Variants in UNC5D observed in about 807,000 individuals in gnomAD.
UNC5D encodes netrin receptor UNC5D.
A neutral mutation model predicts 105.4 loss-of-function variants in UNC5D; 39 were observed. The observed-to-expected ratio is 0.37, with a 90% CI of 0.29 to 0.48. The LOEUF is 0.48. Ranked by LOEUF, UNC5D falls within the 20% of genes least tolerant of loss-of-function variation. The pLI is 0.98. For missense variants in UNC5D, 991 were observed against 1,202.4 expected, an observed-to-expected ratio of 0.82 and a Z score of 2.60; for synonymous variants, 452 against 450.4, an observed-to-expected ratio of 1.00 and a Z score of -0.04.
At chr8:35,548,344 A>G (rs965882553) in intron 1 of UNC5D, among the ~76,000 whole-genome samples, 1 of 152,140 alleles carries the variant, frequency 6.6e-6, no homozygotes, top group African/African-American at 2.4e-5. Context: ...TGCTATTGAA[A>G]TGTTTGCTTT....
chr8:35,600,728 A>C (rs1057197063), intron 4 of UNC5D, among the ~76,000 whole-genome samples: 1 of 152,104 alleles, frequency 6.6e-6, no homozygotes, highest in African/African-American at 2.4e-5. Flanking sequence ...GGTTGCAAAA[A>C]TTGTCTCCCA....
intron 10 of UNC5D, 64 bp downstream of exon 10, chr8:35,726,593 C>T: frequency 2.6e-6 from 4 of 1,565,084 alleles, no homozygotes; most frequent in South Asian, 2.4e-5. Flanking sequence ...TACACAGTTA[C>T]TTCCCATCAG....
At chr8:35,702,601 T>C (rs1827284841) in intron 7 of UNC5D, among the ~76,000 whole-genome samples, 1 of 152,100 alleles carries the variant, frequency 6.6e-6, no homozygotes, top group South Asian at 2.1e-4. Context: ...TGTGAGAAAA[T>C]GATTATGCAA....
At chr8:35,735,710 G>A (rs979371179) in intron 11 of UNC5D, among the ~76,000 whole-genome samples, 1 of 152,226 alleles carries the variant, frequency 6.6e-6, no homozygotes, top group Non-Finnish European at 1.5e-5. Flanking sequence ...TTCATTCCCA[G>A]TAATGGGGCT....
intron 1 of UNC5D, among the ~76,000 whole-genome samples, chr8:35,244,477 G>A (rs1016103338): frequency 1.3e-5 from 2 of 152,134 alleles, no homozygotes; most frequent in African/African-American, 4.8e-5. Flanking sequence ...AGGGTGGTAT[G>A]TTTCTCATGG....
At chr8:35,772,552 T>A (rs1199404952) in intron 15 of UNC5D, among the ~76,000 whole-genome samples, 19 of 152,136 alleles carry the variant, frequency 1.2e-4, no homozygotes, top group Non-Finnish European at 2.8e-4. Context: ...AGGAAGGGCA[T>A]GTGTGTACTT....
intron 1 of UNC5D, among the ~76,000 whole-genome samples, chr8:35,406,190 C>T (rs933571514): frequency 1.3e-5 from 2 of 151,994 alleles, no homozygotes; most frequent in African/African-American, 4.8e-5. Flanking sequence ...TTTAAAAAGG[C>T]CTTTAAAAAT....
intron 16 of UNC5D, among the ~76,000 whole-genome samples, chr8:35,777,944 G>A (rs545963684): frequency 1.3e-5 from 2 of 152,080 alleles, no homozygotes; most frequent in East Asian, 1.9e-4. Flanking sequence ...GGTGACCACG[G>A]GCTCTAGGTA....
intron 7 of UNC5D, among the ~76,000 whole-genome samples, chr8:35,699,367 T>C (rs901045519): frequency 1.3e-5 from 2 of 152,200 alleles, no homozygotes; most frequent in African/African-American, 4.8e-5. Context: ...AGAAGTGACA[T>C]CCTTGAGCCA....
chr8:35,599,300 A>C (rs920843740), intron 4 of UNC5D, among the ~76,000 whole-genome samples: 5 of 152,140 alleles, frequency 3.3e-5, no homozygotes, highest in Admixed American at 1.3e-4. Context: ...TCTGTGGTAC[A>C]ATATGGTGAC....
chr8:35,384,570 T>G (rs920987385), intron 1 of UNC5D, among the ~76,000 whole-genome samples: 1 of 152,196 alleles, frequency 6.6e-6, no homozygotes, highest in African/African-American at 2.4e-5. Flanking sequence ...TAAACCCTTA[T>G]GGCCTCCTAA....
chr8:35,525,306 C>G, intron 1 of UNC5D: 1 of 1,612,174 alleles, frequency 6.2e-7, no homozygotes, highest in East Asian at 2.2e-5. Context: ...CCCCTCTTTG[C>G]CTTTACAGTT....
Position 35,748,631 on chromosome 8 carries a change from C to A in UNC5D, c.1871C>A (p.Ala624Glu), listed in dbSNP as rs766648515. Residue 624 changes from alanine (A) to glutamate (E), a missense_variant, in exon 12 of 17, where the codon GCA (alanine) becomes GAA (glutamate). Around this residue, in one of 3 missense-constraint regions of UNC5D, gnomAD observed 944 missense variants for 1,131.6 expected, o/e 0.83. Coordinates refer to ENST00000404895, the MANE Select transcript of UNC5D (RefSeq NM_080872.4). Reference sequence around the variant, plus strand: ...TTTGCATTGACCATCCCGCACTGTGCAGATGTCAGTTCTGAGCATTGGAAT... The same window carrying A: ...TTTGCATTGACCATCCCGCACTGTGAAGATGTCAGTTCTGAGCATTGGAAT... The part of the protein sequence containing the change: ...TPFALTIPHC[A>E]DVSSEHWNIH... The A allele has an allele frequency of 8.1e-6, 13 of 1,614,036 alleles. No homozygotes were observed. Among genetic ancestry groups the A allele is most frequent in the Non-Finnish European group, 1.1e-5 (13 of 1,179,934 alleles).
intron 15 of UNC5D, among the ~76,000 whole-genome samples, chr8:35,768,656 G>T (rs1192904506): frequency 1.3e-5 from 2 of 152,108 alleles, no homozygotes; most frequent in African/African-American, 4.8e-5. Context: ...TTATGTAAGA[G>T]GAATGTGATA....
intron 1 of UNC5D, among the ~76,000 whole-genome samples, chr8:35,450,877 A>G (rs1808102137): frequency 6.6e-6 from 1 of 152,142 alleles, no homozygotes; most frequent in South Asian, 2.1e-4. Flanking sequence ...ATTTTGTCCA[A>G]TGATAGGCTA....
At chr8:35,521,544 A>G (rs1813480753) in intron 1 of UNC5D, among the ~76,000 whole-genome samples, 1 of 152,202 alleles carries the variant, frequency 6.6e-6, no homozygotes, top group Non-Finnish European at 1.5e-5. Context: ...GTAGAAGTGC[A>G]TAAATTAAAA....
intron 1 of UNC5D, among the ~76,000 whole-genome samples, chr8:35,460,367 G>A (rs899391512): frequency 6.6e-5 from 10 of 152,146 alleles, no homozygotes; most frequent in Non-Finnish European, 8.8e-5. Context: ...GAATCCTCAT[G>A]GAAATGTAGG....
intron 1 of UNC5D, among the ~76,000 whole-genome samples, chr8:35,295,817 C>T (rs1329995006): frequency 1.3e-5 from 2 of 152,182 alleles, no homozygotes; most frequent in Non-Finnish European, 2.9e-5. Context: ...AGCCTTTCAC[C>T]AGCATTCCCC....
chr8:35,607,775 C>CCCCTTCTTCCCT (rs1441658026), intron 4 of UNC5D, among the ~76,000 whole-genome samples: 82 of 152,122 alleles, frequency 5.4e-4, no homozygotes, highest in African/African-American at 2.0e-3. Context: ...TACCTTGCTT[C>CCCCTTCTTCCCT]CCCTTCTTCC....
Sources: gnomAD v4.1 joint callset for allele counts (sites outside exome capture counted in the v4.1 genomes callset) on GRCh38, gnomAD v4.1.1 for gene constraint, gnomAD v4.1.1 regional missense constraint, MANE v1.5 for transcripts, NCBI Gene and HGNC (gene_info 2026-07-23, HGNC 2026-07-21) for gene names.